Variants in ANKS1B observed in about 807,000 individuals in gnomAD.
The protein encoded by ANKS1B is ankyrin repeat and sterile alpha motif domain-containing protein 1B.
In ANKS1B, 36 loss-of-function variants were observed where a neutral mutation model predicts 148.3. The observed-to-expected ratio is 0.24, with a 90% CI of 0.19 to 0.32. The LOEUF is 0.32. Among genes scored for constraint, ANKS1B ranks in the 10% least tolerant of loss-of-function variants. The pLI is 1.00. For synonymous variants in ANKS1B, 542 were observed against 560.8 expected (o/e 0.97, Z 0.47); for missense variants, 1,157 against 1,542.6 (o/e 0.75, Z 4.19).
chr12:99,806,655 G>T lies in ANKS1B; in HGVS notation c.418C>A (p.His140Asn). 2 of 1,613,934 alleles carry T rather than the reference G, an allele frequency of 1.2e-6. No individual in the cohort carries two copies. Among genetic ancestry groups the T allele is most frequent in the South Asian group, 2.2e-5 (2 of 91,078 alleles). Residue 140 changes from histidine (H) to asparagine (N), a missense_variant, in exon 4 of 27, where the codon CAC becomes AAC. Physicochemically the swap from His to Asn is moderately conservative, Grantham distance 68. Transcript: ENST00000683438. ...AGGAGAACAGCAACTACTTCTGAGT[G>T]TCCATATTGAGCTGCACAGTGTAGG... ...TALHCAAQYG[H>N]SEVVAVLLEE... is the part of the protein sequence containing the mutation.
At chr12:99,349,425 C>T (rs866277724) in intron 12 of ANKS1B, among the ~76,000 whole-genome samples, 45 of 151,822 alleles carry the variant, frequency 3.0e-4, no homozygotes, top group Non-Finnish European at 1.6e-4. Context: ...TATATACTGT[C>T]TACATGAGAC....
At chr12:98,993,793 C>G (rs972616875) in intron 17 of ANKS1B, among the ~76,000 whole-genome samples, 1 of 152,124 alleles carries the variant, frequency 6.6e-6, no homozygotes, top group Non-Finnish European at 1.5e-5. Context: ...AGAATACTTT[C>G]AACTCTGTTT....
chr12:99,005,669 C>T (rs868180718), intron 17 of ANKS1B, among the ~76,000 whole-genome samples: 20 of 152,268 alleles, frequency 1.3e-4, no homozygotes, highest in Non-Finnish European at 1.0e-4. Context: ...GAAAGCAAGA[C>T]GCCATTTGAA....
chr12:98,892,255 C>A lies in ANKS1B; in HGVS notation c.2779-60119G>T, dbSNP rs905768174. Among the ~76,000 whole-genome samples, 27 of 152,178 alleles carry A rather than the reference C, an allele frequency of 1.8e-4. 1 individual carries two copies. The highest frequency in any genetic ancestry group is 2.1e-4 in the Non-Finnish European group (14 of 68,022). On this transcript the variant is annotated intron_variant, in intron 17 of 26. Coordinates refer to ENST00000683438, the MANE Select transcript of ANKS1B (RefSeq NM_001352186.2). ...TATAAGATTTTGAGAACATGTCTGCCTTTCATTTAGAGAAAGGATAAACCT... is the reference window on the plus strand; with the variant it reads ...TATAAGATTTTGAGAACATGTCTGCATTTCATTTAGAGAAAGGATAAACCT...
At chr12:98,827,737 G>A (rs1011710514) in intron 19 of ANKS1B, among the ~76,000 whole-genome samples, 5 of 152,132 alleles carry the variant, frequency 3.3e-5, no homozygotes, top group Non-Finnish European at 7.3e-5. Context: ...CTATACTGCG[G>A]TTGACACAGT....
At chr12:99,361,480 T>C (rs2092455511) in intron 12 of ANKS1B, among the ~76,000 whole-genome samples, 1 of 151,940 alleles carries the variant, frequency 6.6e-6, no homozygotes, top group African/African-American at 2.4e-5. Flanking sequence ...AAATTAAACA[T>C]AGGAAAGAAG....
intron 17 of ANKS1B, among the ~76,000 whole-genome samples, chr12:98,847,138 G>C (rs2099483215): frequency 6.6e-6 from 1 of 152,028 alleles, no homozygotes; most frequent in Admixed American, 6.6e-5. Context: ...CTTAACATAA[G>C]ATCTCCTCTT....
intron 17 of ANKS1B, among the ~76,000 whole-genome samples, chr12:98,893,152 T>G (rs1349148781): frequency 1.3e-5 from 2 of 152,236 alleles, no homozygotes; most frequent in Non-Finnish European, 2.9e-5. Context: ...TAATTTCATT[T>G]GTATTCGTTA....
chr12:99,288,011 A>C (rs943446747), intron 12 of ANKS1B, among the ~76,000 whole-genome samples: 2 of 152,194 alleles, frequency 1.3e-5, no homozygotes, highest in African/African-American at 4.8e-5. Flanking sequence ...AAGGGATAGT[A>C]AAAGAAAATT....
At chr12:99,786,685 T>C (rs1286640962) in intron 4 of ANKS1B, among the ~76,000 whole-genome samples, 1 of 152,180 alleles carries the variant, frequency 6.6e-6, no homozygotes, top group Non-Finnish European at 1.5e-5. Flanking sequence ...TAGAATAAAG[T>C]GGTCCTGGGT....
chr12:99,777,478 T>C (rs1465097824), intron 6 of ANKS1B, among the ~76,000 whole-genome samples: 1 of 152,234 alleles, frequency 6.6e-6, no homozygotes, highest in African/African-American at 2.4e-5. Flanking sequence ...TTTTAAAAAG[T>C]CCATGGTTAT....
intron 9 of ANKS1B, among the ~76,000 whole-genome samples, chr12:99,642,612 TCAAGA>T (rs2098321512): frequency 1.3e-5 from 2 of 151,810 alleles, no homozygotes; most frequent in Admixed American, 6.6e-5. Flanking sequence ...GGTCAGGAGT[TCAAGA>T]CAAGACAGGC....
intron 9 of ANKS1B, chr12:99,648,827 T>C: frequency 6.3e-7 from 1 of 1,575,908 alleles, no homozygotes; most frequent in Non-Finnish European, 8.6e-7. Context: ...CCTGGATGCT[T>C]TGGGGGAGAG....
At position 99,918,886 on chromosome 12, in the gene ANKS1B, C is replaced by A. The variant is rs78912053; in HGVS notation, c.134+65218G>T. Among the ~76,000 whole-genome samples the A allele has an allele frequency of 1.5e-3, 233 of 152,080 alleles. 8 individuals carry two copies. The East Asian group carries it at 0.036, about 23-fold the overall frequency. On this transcript the variant is annotated intron_variant, in intron 1 of 26. Coordinates refer to ENST00000683438, the MANE Select transcript of ANKS1B (RefSeq NM_001352186.2). ...TTAAAAACATACCTAAACACACACA[C>A]AAAAAAAGATGTCTTTATAACAAAT...
rs547498827 is a variant in ANKS1B at position 99,615,142 on chromosome 12, TTAGG to T, written c.1272+39921_1272+39924del. Among the ~76,000 whole-genome samples the T allele has an allele frequency of 4.6e-5, 7 of 151,964 alleles. No individual in the cohort carries two copies. In the East Asian group the frequency reaches 7.7e-4, roughly 17 times the overall value. ...TTCCAAAGTGTTTACACAGATGACATTAGGTAGGTAGGTAGGTAGGCAGATAGAT... is the reference window on the plus strand; with the variant it reads ...TTCCAAAGTGTTTACACAGATGACATTAGGTAGGTAGGTAGGCAGATAGAT... On this transcript the variant is annotated intron_variant, in intron 9 of 26. Transcript: ENST00000683438.
intron 12 of ANKS1B, among the ~76,000 whole-genome samples, chr12:99,342,292 T>G (rs1321029348): frequency 6.6e-6 from 1 of 151,978 alleles, no homozygotes; most frequent in Non-Finnish European, 1.5e-5. Flanking sequence ...TAGAGACCTG[T>G]AAGATGAGTA....
intron 8 of ANKS1B, among the ~76,000 whole-genome samples, chr12:99,667,780 T>C (rs1012609110): frequency 6.6e-6 from 1 of 152,230 alleles, no homozygotes; most frequent in East Asian, 1.9e-4. Flanking sequence ...GAATAGATGC[T>C]TTTCTACAAT....
chr12:99,580,516 G>A (rs941020288), intron 9 of ANKS1B, among the ~76,000 whole-genome samples: 1 of 152,062 alleles, frequency 6.6e-6, no homozygotes, highest in Non-Finnish European at 1.5e-5. Context: ...GACAAATATT[G>A]CATGTATTTA....
chr12:99,702,723 T>TCCCTATG (rs1280631051), intron 8 of ANKS1B, among the ~76,000 whole-genome samples: 1 of 151,384 alleles, frequency 6.6e-6, no homozygotes, highest in African/African-American at 2.4e-5. Flanking sequence ...TTTTTTTTTT[T>TCCCTATG]TTGTAGAGGC....
Sources: allele counts gnomAD v4.1 joint callset (sites outside exome capture counted in the v4.1 genomes callset), GRCh38; gene constraint gnomAD v4.1.1; transcripts MANE v1.5; gene names NCBI Gene and HGNC (gene_info 2026-07-23, HGNC 2026-07-21).